Variants in PPP6R3 observed in about 807,000 individuals in gnomAD.
The protein encoded by PPP6R3 is protein phosphatase 6 regulatory subunit 3, also known as serine/threonine-protein phosphatase 6 regulatory subunit 3.
In PPP6R3, 38 loss-of-function variants were observed where a neutral mutation model predicts 110.7. That is an observed-to-expected ratio of 0.34 (90% confidence interval 0.26 to 0.45). The LOEUF (loss-of-function observed/expected upper bound fraction) is 0.45, where lower values mean the gene tolerates loss of function less well. Among genes scored for constraint, PPP6R3 ranks in the 20% least tolerant of loss-of-function variants. The probability of loss-of-function intolerance (pLI) is 1.00; values close to 1 mark genes in which losing one functional copy is unlikely to be tolerated. For missense variants in PPP6R3, 870 were observed against 1,062.4 expected, an observed-to-expected ratio of 0.82 and a Z score of 2.52; for synonymous variants, 369 against 373.5, an observed-to-expected ratio of 0.99 and a Z score of 0.14.
intron 10 of PPP6R3, among the ~76,000 whole-genome samples, chr11:68,567,491 G>A (rs2153755468): frequency 6.6e-6 from 1 of 152,288 alleles, no homozygotes; most frequent in Non-Finnish European, 1.5e-5. Flanking sequence ...TATTTAGTGA[G>A]GGGACAAACC....
At chr11:68,557,370 T>C (rs925204348) in intron 7 of PPP6R3, among the ~76,000 whole-genome samples, 26 of 152,182 alleles carry the variant, frequency 1.7e-4, no homozygotes, top group Admixed American at 4.6e-4. Flanking sequence ...CTGCCCTACG[T>C]TGGCAAGAGG....
At chr11:68,590,159 T>G (rs2099590785) in intron 16 of PPP6R3, among the ~76,000 whole-genome samples, 1 of 152,240 alleles carries the variant, frequency 6.6e-6, no homozygotes, top group African/African-American at 2.4e-5. Context: ...TTATGTTTAA[T>G]AAGCAATGAA....
chr11:68,557,409 G>T (rs560618341), intron 7 of PPP6R3, among the ~76,000 whole-genome samples: 1 of 152,338 alleles, frequency 6.6e-6, no homozygotes, highest in Admixed American at 6.5e-5. Context: ...ACAGTACACT[G>T]AACACAGCTA....
intron 1 of PPP6R3, among the ~76,000 whole-genome samples, chr11:68,477,741 A>AAAATATATATATATATATATATAT: frequency 6.9e-5 from 4 of 57,892 alleles, no homozygotes; most frequent in Non-Finnish European, 1.0e-4. Flanking sequence ...AAAAAAAAAA[A>AAAATATATATATATATATATATAT]ATATATATAT....
chr11:68,463,298 G>T (rs886300048), intron 1 of PPP6R3, among the ~76,000 whole-genome samples: 4 of 149,444 alleles, frequency 2.7e-5, no homozygotes, highest in African/African-American at 9.9e-5. Context: ...AAACCTGGGA[G>T]GCGGAGGTTG....
At chr11:68,509,024 T>C (rs772505427) in intron 1 of PPP6R3, among the ~76,000 whole-genome samples, 3 of 152,250 alleles carry the variant, frequency 2.0e-5, no homozygotes, top group Admixed American at 6.5e-5. Flanking sequence ...ACATCTGATA[T>C]TATTGATGAT....
At chr11:68,477,741 A>AAATATATATATATAT in intron 1 of PPP6R3, among the ~76,000 whole-genome samples, 92 of 57,892 alleles carry the variant, frequency 1.6e-3, no homozygotes, top group Middle Eastern at 0.011. Context: ...AAAAAAAAAA[A>AAATATATATATATAT]ATATATATAT....
At chr11:68,535,200 T>C (rs2099263293) in intron 2 of PPP6R3, among the ~76,000 whole-genome samples, 1 of 152,218 alleles carries the variant, frequency 6.6e-6, no homozygotes, top group Admixed American at 6.5e-5. Context: ...CATTGCCCAC[T>C]GGGTGGCTTC....
intron 19 of PPP6R3, among the ~76,000 whole-genome samples, chr11:68,597,661 G>T (rs1042756630): frequency 1.3e-5 from 2 of 152,004 alleles, no homozygotes; most frequent in African/African-American, 4.8e-5. Flanking sequence ...AGGGTTTGTT[G>T]TTGTTGTTGT....
intron 1 of PPP6R3, among the ~76,000 whole-genome samples, chr11:68,471,139 G>C (rs2098788522): frequency 6.6e-6 from 1 of 151,842 alleles, no homozygotes. Flanking sequence ...AAAAAAATTA[G>C]CCGGCTTAGT....
Position 68,526,024 on chromosome 11 carries a change from C to G in PPP6R3, c.-7+6373C>G, listed in dbSNP as rs377711009. ...ATTTGCTGAGGACCACCTCGTATCTCTTCAGTTTTGGAGACTTAGAAACTT... is the reference window on the plus strand; with the variant it reads ...ATTTGCTGAGGACCACCTCGTATCTGTTCAGTTTTGGAGACTTAGAAACTT... On this transcript the variant is annotated intron_variant, in intron 2 of 23. Coordinates refer to ENST00000393800, the MANE Select transcript of PPP6R3 (RefSeq NM_001164161.2). Among the ~76,000 whole-genome samples the G allele has an allele frequency of 5.9e-5, 9 of 152,160 alleles. No homozygotes were observed. In the East Asian group the frequency reaches 1.2e-3, roughly 20 times the overall value.
chr11:68,479,480 G>A (rs1201268597), intron 1 of PPP6R3, among the ~76,000 whole-genome samples: 3 of 152,140 alleles, frequency 2.0e-5, no homozygotes, highest in Admixed American at 6.5e-5. Context: ...ATTCTTAAAA[G>A]GTTGTTTTGC....
At chr11:68,538,288 T>G (rs554897920) in intron 3 of PPP6R3, among the ~76,000 whole-genome samples, 42 of 152,216 alleles carry the variant, frequency 2.8e-4, no homozygotes, top group Admixed American at 5.2e-4. Flanking sequence ...CAATACATTC[T>G]GACCTTTCAT....
intron 7 of PPP6R3, among the ~76,000 whole-genome samples, chr11:68,556,810 C>T (rs544172381): frequency 6.6e-6 from 1 of 152,158 alleles, no homozygotes; most frequent in Admixed American, 6.5e-5. Flanking sequence ...GTGATACTTG[C>T]GTGTTTAGGT....
chr11:68,574,674 G>A (rs1219038703), intron 13 of PPP6R3, among the ~76,000 whole-genome samples: 1 of 152,100 alleles, frequency 6.6e-6, no homozygotes, highest in African/African-American at 2.4e-5. Context: ...CTTTGATGTC[G>A]CTGTCACTAA....
chr11:68,463,816 C>T (rs1456766141), intron 1 of PPP6R3, among the ~76,000 whole-genome samples: 1 of 152,018 alleles, frequency 6.6e-6, no homozygotes, highest in Non-Finnish European at 1.5e-5. Context: ...GGGGGTGGTT[C>T]CCCCCTCACC....
chr11:68,488,708 G>A (rs1480696107), intron 1 of PPP6R3: 1 of 152,174 alleles, frequency 6.6e-6, no homozygotes, highest in East Asian at 1.9e-4. Flanking sequence ...GGTAGTTGTA[G>A]GGTGTGTCCT....
chr11:68,476,007 C>T (rs956301839), intron 1 of PPP6R3, among the ~76,000 whole-genome samples: 4 of 151,834 alleles, frequency 2.6e-5, no homozygotes, highest in African/African-American at 9.7e-5. Context: ...GGGCTCTTCT[C>T]ATCCCAGACG....
chr11:68,543,124 CATAAG>C (rs1476194720), intron 3 of PPP6R3, among the ~76,000 whole-genome samples: 2 of 152,198 alleles, frequency 1.3e-5, no homozygotes, highest in South Asian at 2.1e-4. Context: ...TCCCCTCCTC[CATAAG>C]ATAAGGACTA....
Sources: gnomAD v4.1 joint callset for allele counts (sites outside exome capture counted in the v4.1 genomes callset) on GRCh38, gnomAD v4.1.1 for gene constraint, MANE v1.5 for transcripts, NCBI Gene and HGNC (gene_info 2026-07-23, HGNC 2026-07-21) for gene names.